HSF5: variants seen among roughly 807,000 people sequenced by gnomAD.
HSF5 encodes the protein heat shock factor protein 5.
In HSF5, 5 loss-of-function variants were observed where a neutral mutation model predicts 50.8. The observed-to-expected ratio is 0.10, with a 90% CI of 0.05 to 0.21. The LOEUF (loss-of-function observed/expected upper bound fraction) is 0.21, where lower values mean the gene tolerates loss of function less well. HSF5 is among the 10% of genes least tolerant of loss of function. The probability of loss-of-function intolerance (pLI) is 1.00; values close to 1 mark genes in which losing one functional copy is unlikely to be tolerated. For missense variants in HSF5, 564 were observed against 762.6 expected, an observed-to-expected ratio of 0.74 and a Z score of 3.07; for synonymous variants, 307 against 307.4, an observed-to-expected ratio of 1.00 and a Z score of 0.02.
At chr17:58,434,482 C>T (rs1024185728) in intron 5 of HSF5, among the ~76,000 whole-genome samples, 4 of 150,454 alleles carry the variant, frequency 2.7e-5, no homozygotes, top group African/African-American at 7.4e-5. Flanking sequence ...ACCTGGGAGG[C>T]GGAGGTTGCA....
At chr17:58,457,118 G>A (rs575746688) in intron 5 of HSF5, among the ~76,000 whole-genome samples, 1 of 152,106 alleles carries the variant, frequency 6.6e-6, no homozygotes, top group South Asian at 2.1e-4. Flanking sequence ...AAATTAGCTA[G>A]TCGTGGTGGA....
intron 5 of HSF5, among the ~76,000 whole-genome samples, chr17:58,454,943 C>A (rs1974689138): frequency 1.3e-5 from 2 of 152,046 alleles, no homozygotes; most frequent in South Asian, 4.1e-4. Context: ...ATCAAAATAC[C>A]AATGACATTC....
intron 4 of HSF5, among the ~76,000 whole-genome samples, chr17:58,460,089 C>T (rs1398358382): frequency 6.6e-6 from 1 of 152,108 alleles, no homozygotes; most frequent in African/African-American, 2.4e-5. Context: ...GTGATCACGG[C>T]TCACTACAGC....
intron 2 of HSF5, chr17:58,476,611 G>A: frequency 6.5e-7 from 1 of 1,537,520 alleles, no homozygotes. Flanking sequence ...TTCGAATTCT[G>A]TCACTTCAAC....
intron 5 of HSF5, among the ~76,000 whole-genome samples, chr17:58,439,697 T>G (rs938343795): frequency 2.0e-5 from 3 of 152,144 alleles, no homozygotes; most frequent in African/African-American, 7.2e-5. Context: ...TTGGTCAGGC[T>G]GGTCTGGAAC....
intron 4 of HSF5, among the ~76,000 whole-genome samples, chr17:58,460,547 TC>T (rs1974780495): frequency 6.6e-6 from 1 of 151,094 alleles, no homozygotes; most frequent in South Asian, 2.1e-4. Context: ...TCTCGCTCTG[TC>T]GCCCAGGCTG....
In HSF5 at chr17:58,458,933, T is replaced by A; in HGVS notation, c.1555A>T (p.Ile519Leu). 1 of 1,608,938 alleles carries A rather than the reference T, an allele frequency of 6.2e-7. No individual in the cohort carries two copies. The highest frequency in any genetic ancestry group is 1.1e-5 in the South Asian group (1 of 89,676). The change falls in exon 5 of 6, where the codon ATA (isoleucine) becomes TTA (leucine). Residue 519 changes from isoleucine to leucine, a missense_variant. By Grantham distance (5) the Ile-to-Leu change is conservative. Coordinates refer to ENST00000323777, the MANE Select transcript of HSF5 (RefSeq NM_001080439.3). Reference sequence around the variant, plus strand: ...TCACGTGAACTGGTCTGGCATTTTATGTTGGCATCCACCTAAAATATTAAA... The same window carrying A: ...TCACGTGAACTGGTCTGGCATTTTAAGTTGGCATCCACCTAAAATATTAAA... ...PFSTHQVDAN[I>L]KCQTSSRENI...
chr17:58,426,873 T>C (rs910620112), intron 5 of HSF5, among the ~76,000 whole-genome samples: 1 of 152,196 alleles, frequency 6.6e-6, no homozygotes, highest in African/African-American at 2.4e-5. Context: ...CCAGTGGCTG[T>C]AATGGATAAC....
At chr17:58,467,579 T>C (rs1423227242) in intron 2 of HSF5, among the ~76,000 whole-genome samples, 2 of 152,234 alleles carry the variant, frequency 1.3e-5, no homozygotes, top group African/African-American at 4.8e-5. Context: ...TTAATCTCTG[T>C]GTACCTCAGT....
In HSF5 at chr17:58,420,868, T is replaced by G. The variant is rs1445269910; in HGVS notation, c.*1492A>C. ...CAGAGCTCACCCTTTTCCAGAAAAG[T>G]AGATCTCTGTAATATTTCTAGGGTT... On this transcript the variant is annotated 3_prime_UTR_variant, in exon 6 of 6. Coordinates refer to ENST00000323777, the MANE Select transcript of HSF5 (RefSeq NM_001080439.3). The G allele has an allele frequency of 3.9e-5, 6 of 152,444 alleles. No individual in the cohort carries two copies. The highest frequency in any genetic ancestry group is 8.8e-5 in the Non-Finnish European group (6 of 68,032). The allele number at this position is 152,444 out of a possible 1,614,324, so 9.4% of individuals were successfully genotyped here.
intron 5 of HSF5, among the ~76,000 whole-genome samples, chr17:58,443,023 C>T (rs538266475): frequency 2.2e-4 from 33 of 152,170 alleles, no homozygotes; most frequent in African/African-American, 7.7e-4. Context: ...ATTCTCCTGC[C>T]TCAGTTCCCG....
At chr17:58,447,179 C>T (rs1169786737) in intron 5 of HSF5, among the ~76,000 whole-genome samples, 1 of 152,118 alleles carries the variant, frequency 6.6e-6, no homozygotes, top group Non-Finnish European at 1.5e-5. Context: ...CTAGTACCAG[C>T]CCCACCACAT....
intron 5 of HSF5, among the ~76,000 whole-genome samples, chr17:58,449,699 CAAA>C (rs200922146): frequency 7.5e-6 from 1 of 132,688 alleles, no homozygotes; most frequent in Non-Finnish European, 1.6e-5. Context: ...GGCTCCATCT[CAAA>C]AAAAAAAAAA....
chr17:58,428,567 G>A (rs1974325629), intron 5 of HSF5, among the ~76,000 whole-genome samples: 2 of 152,094 alleles, frequency 1.3e-5, no homozygotes, highest in Non-Finnish European at 2.9e-5. Flanking sequence ...GCTGAGGCAG[G>A]AGAATGGCAT....
chr17:58,476,858 G>T, intron 2 of HSF5: 1 of 1,397,232 alleles, frequency 7.2e-7, no homozygotes. Context: ...GTGTTCAATT[G>T]CTTCTTGCTG....
intron 2 of HSF5, among the ~76,000 whole-genome samples, chr17:58,468,305 G>A (rs1274562532): frequency 6.6e-6 from 1 of 152,140 alleles, no homozygotes; most frequent in Non-Finnish European, 1.5e-5. Context: ...GGCTCAGGTG[G>A]GAGGATCACT....
intron 2 of HSF5, among the ~76,000 whole-genome samples, chr17:58,475,618 C>A (rs1284687348): frequency 6.6e-6 from 1 of 152,192 alleles, no homozygotes; most frequent in African/African-American, 2.4e-5. Flanking sequence ...CCCCAAACAT[C>A]TCAAACCCAC....
intron 5 of HSF5, among the ~76,000 whole-genome samples, chr17:58,446,158 G>GAAAAAAT (rs1567909130): frequency 1.4e-5 from 2 of 147,320 alleles, no homozygotes; most frequent in Admixed American, 6.7e-5. Context: ...AAAAAAAAAG[G>GAAAAAAT]TTAAAATGGG....
At chr17:58,459,536 A>G (rs1974760929) in intron 4 of HSF5, among the ~76,000 whole-genome samples, 1 of 150,158 alleles carries the variant, frequency 6.7e-6, no homozygotes, top group South Asian at 2.2e-4. Context: ...AATCCCAGCT[A>G]TTCGGGAGGC....
Sources: allele counts gnomAD v4.1 joint callset (sites outside exome capture counted in the v4.1 genomes callset), GRCh38; gene constraint gnomAD v4.1.1; transcripts MANE v1.5; gene names NCBI Gene and HGNC (gene_info 2026-07-23, HGNC 2026-07-21).